The following TMA16 variants were observed in gnomAD, a reference collection of about 807,000 sequenced individuals.
TMA16 encodes translation machinery associated 16 homolog.
In TMA16, 26 loss-of-function variants were observed where a neutral mutation model predicts 27.1. The observed-to-expected ratio is 0.96, with a 90% CI of 0.70 to 1.33. The LOEUF is 1.33. Among genes scored for constraint, TMA16 ranks in the 40% most tolerant of loss-of-function variants. The pLI is 0.00. For missense variants in TMA16, 233 were observed against 241.4 expected, an observed-to-expected ratio of 0.97 and a Z score of 0.23; for synonymous variants, 71 against 81.9, an observed-to-expected ratio of 0.87 and a Z score of 0.72.
intron 4 of TMA16, 50 bp from the exon 5 acceptor site, chr4:163,515,263 C>G: frequency 6.5e-7 from 1 of 1,542,892 alleles, no homozygotes; most frequent in Non-Finnish European, 8.7e-7. Context: ...GTAATGTAAG[C>G]CCAATACATA....
chr4:163,519,341 GA>G lies in TMA16; in HGVS notation c.440del (p.Asp147AlafsTer4). On this transcript the variant is annotated frameshift_variant, in exon 7 of 7. Transcript: ENST00000358572. LOFTEE classifies it high-confidence loss of function. ...ASNLKTFREW[D>X]FDLKKLPNIK... ...TTTTTTCCTTTTGTCTAGGGAATGG[GA>G]CTTTGATCTGAAGAAATTACCAAAC... The G allele has an allele frequency of 6.3e-7, 1 of 1,582,602 alleles. No homozygotes were observed. The highest frequency in any genetic ancestry group is 8.6e-7 in the Non-Finnish European group (1 of 1,168,398).
chr4:163,498,066 T>C (rs1010703875), intron 1 of TMA16, among the ~76,000 whole-genome samples: 1 of 152,192 alleles, frequency 6.6e-6, no homozygotes, highest in Non-Finnish European at 1.5e-5. Context: ...TATAGATCTA[T>C]GTAAGTACAT....
intron 5 of TMA16, among the ~76,000 whole-genome samples, chr4:163,516,768 C>T (rs1369614140): frequency 1.3e-5 from 2 of 151,450 alleles, no homozygotes; most frequent in African/African-American, 4.9e-5. Flanking sequence ...TTAAAAAAGT[C>T]TTTTTTTCAC....
At position 163,494,711 on chromosome 4, in the gene TMA16, C is replaced by G; in HGVS notation, c.-91C>G. The G allele has an allele frequency of 1.3e-6, 2 of 1,584,668 alleles. No individual in the cohort carries two copies. Among genetic ancestry groups the G allele is most frequent in the Non-Finnish European group, 8.7e-7 (1 of 1,155,862 alleles). On this transcript the variant is annotated 5_prime_UTR_variant, in exon 1 of 7. Coordinates refer to ENST00000358572, the MANE Select transcript of TMA16 (RefSeq NM_018352.3). ...TCTCAGGCGCCACGTGGGATTCGGCCCGGGTGCTCTTGTGAGCTGCTGCTC... is the reference window on the plus strand; with the variant it reads ...TCTCAGGCGCCACGTGGGATTCGGCGCGGGTGCTCTTGTGAGCTGCTGCTC...
chr4:163,517,348 C>A, intron 5 of TMA16, 86 bp from the exon 6 acceptor site: 1 of 1,339,408 alleles, frequency 7.5e-7, no homozygotes, highest in South Asian at 1.3e-5. Flanking sequence ...GTTGGATATT[C>A]TTGCTAAAAA....
At chr4:163,497,190 C>T (rs937122681) in intron 1 of TMA16, among the ~76,000 whole-genome samples, 1 of 152,262 alleles carries the variant, frequency 6.6e-6, no homozygotes, top group African/African-American at 2.4e-5. Flanking sequence ...GGGACTACAT[C>T]TATAAATGTG....
At chr4:163,500,735 ATC>A (rs1003498039) in intron 1 of TMA16, among the ~76,000 whole-genome samples, 2 of 152,162 alleles carry the variant, frequency 1.3e-5, no homozygotes, top group African/African-American at 4.8e-5. Context: ...CAACAAGAAA[ATC>A]TGTTTCTCCC....
chr4:163,519,114 A>G (rs1737928192), intron 6 of TMA16, among the ~76,000 whole-genome samples: 2 of 152,138 alleles, frequency 1.3e-5, no homozygotes, highest in Admixed American at 6.5e-5. Flanking sequence ...TTTGATTGCA[A>G]TTCTTGATCT....
chr4:163,512,902 G>T (rs771775033), intron 3 of TMA16, 43 bp downstream of exon 3: 1 of 1,504,874 alleles, frequency 6.6e-7, no homozygotes. Flanking sequence ...AGAGTATAGG[G>T]CATTTCTGCC....
intron 6 of TMA16, 27 bp from the exon 7 acceptor site, chr4:163,519,307 C>T (rs1322777292): frequency 8.5e-6 from 13 of 1,521,432 alleles, no homozygotes; most frequent in Non-Finnish European, 1.1e-5. Context: ...ACACTCTGCA[C>T]TCTTTTTTTT....
In TMA16 at chr4:163,517,322, C is replaced by A. The variant is rs964496782; in HGVS notation, c.389-112C>A. Reference sequence around the variant, plus strand: ...TTTCATGTTAATTACAGCAATACTTCGAAATTTTGTTTTCTGTTGGATATT... The same window carrying A: ...TTTCATGTTAATTACAGCAATACTTAGAAATTTTGTTTTCTGTTGGATATT... On this transcript the variant is annotated intron_variant, in intron 5 of 6. Transcript: ENST00000358572. 41 of 1,058,846 alleles carry A rather than the reference C, an allele frequency of 3.9e-5. 1 individual carries two copies. The African/African-American group carries it at 5.4e-4, about 14-fold the overall frequency. 65.6% of individuals were successfully genotyped at this position (1,058,846 alleles called of 1,614,324 possible).
At chr4:163,512,885 T>C in intron 3 of TMA16, 26 bp downstream of exon 3, 2 of 1,596,388 alleles carry the variant, frequency 1.3e-6, no homozygotes, top group Non-Finnish European at 1.7e-6. Flanking sequence ...TATTTGAAAC[T>C]CTGGCTAGAG....
chr4:163,509,227 G>C (rs1419009390), intron 2 of TMA16, among the ~76,000 whole-genome samples: 1 of 152,088 alleles, frequency 6.6e-6, no homozygotes, highest in African/African-American at 2.4e-5. Flanking sequence ...GTCACAAAAG[G>C]CACGTTGAAA....
intron 1 of TMA16, among the ~76,000 whole-genome samples, chr4:163,505,019 T>C (rs909388674): frequency 6.6e-6 from 1 of 152,192 alleles, no homozygotes; most frequent in Admixed American, 6.5e-5. Flanking sequence ...ACTTCTTTGA[T>C]AACCTAATCT....
At chr4:163,498,113 C>T (rs1737587494) in intron 1 of TMA16, among the ~76,000 whole-genome samples, 1 of 151,950 alleles carries the variant, frequency 6.6e-6, no homozygotes, top group African/African-American at 2.4e-5. Flanking sequence ...AGTGAATATT[C>T]CATTGTTTGC....
At chr4:163,494,917 A>C in intron 1 of TMA16, 113 bp downstream of exon 1, 2 of 1,488,446 alleles carry the variant, frequency 1.3e-6, no homozygotes, top group Non-Finnish European at 1.8e-6. Context: ...GGAGGATGCA[A>C]AGTGTTTATT....
Position 163,517,436 on chromosome 4 carries a change from A to G in TMA16, c.391A>G (p.Ile131Val), listed in dbSNP as rs1383171673. The G allele has an allele frequency of 6.2e-7, 1 of 1,612,974 alleles. No individual in the cohort carries two copies. Among genetic ancestry groups the G allele is most frequent in the Non-Finnish European group, 8.5e-7 (1 of 1,179,370 alleles). ...RQQFEGYGLE[I>V]PDILNASNLK... ...AGATAAATTACTTTCTTTTCCAGAG[A>G]TTCCAGACATTCTAAATGCAAGTAA... is the stretch of plus-strand genomic sequence containing the variant. Residue 131 changes from isoleucine to valine, a missense_variant and splice_region_variant, in exon 6 of 7, where the codon ATT (isoleucine) becomes GTT (valine). Ile to Val is a conservative substitution (Grantham distance 29). Coordinates refer to ENST00000358572, the MANE Select transcript of TMA16 (RefSeq NM_018352.3).
At chr4:163,511,639 T>A (rs1470678804) in intron 2 of TMA16, among the ~76,000 whole-genome samples, 1 of 150,952 alleles carries the variant, frequency 6.6e-6, no homozygotes, top group Non-Finnish European at 1.5e-5. Context: ...AGTGAGACTC[T>A]GTCTCTACAA....
At chr4:163,512,894 AGTATAGGGCATTTCT>A in intron 3 of TMA16, 35 bp downstream of exon 3, 1 of 1,555,850 alleles carries the variant, frequency 6.4e-7, no homozygotes, top group Non-Finnish European at 8.8e-7. Context: ...CTCTGGCTAG[AGTATAGGGCATTTCT>A]GCCCTATACT....
Sources: allele counts gnomAD v4.1 joint callset (sites outside exome capture counted in the v4.1 genomes callset), GRCh38; gene constraint gnomAD v4.1.1; transcripts MANE v1.5; gene names NCBI Gene and HGNC (gene_info 2026-07-23, HGNC 2026-07-21).